USP37: variants seen among roughly 807,000 people sequenced by gnomAD.
USP37 encodes ubiquitin carboxyl-terminal hydrolase 37.
A neutral mutation model predicts 124.0 loss-of-function variants in USP37; 27 were observed. The ratio of observed to expected loss-of-function variants is 0.22; its 90% CI spans 0.16 to 0.30. The LOEUF is 0.30. Ranked by LOEUF, USP37 falls within the 10% of genes least tolerant of loss-of-function variation. USP37 has a pLI of 1.00. For synonymous variants in USP37, 365 were observed against 388.0 expected, an observed-to-expected ratio of 0.94 and a Z score of 0.70; for missense variants, 889 against 1,140.4, an observed-to-expected ratio of 0.78 and a Z score of 3.17.
At chr2:218,563,680 CATTT>C (rs1041579085) in intron 1 of USP37, among the ~76,000 whole-genome samples, 1 of 152,144 alleles carries the variant, frequency 6.6e-6, no homozygotes, top group Non-Finnish European at 1.5e-5. Context: ...TAGTAAACAA[CATTT>C]ATTAAGCTAC....
At chr2:218,514,848 A>T (rs1690187185) in intron 10 of USP37, among the ~76,000 whole-genome samples, 1 of 152,206 alleles carries the variant, frequency 6.6e-6, no homozygotes, top group South Asian at 2.1e-4. Flanking sequence ...GTCTCTACAC[A>T]TTCATTCATT....
chr2:218,561,428 T>C (rs1368673292), intron 2 of USP37, among the ~76,000 whole-genome samples: 2 of 152,034 alleles, frequency 1.3e-5, no homozygotes, highest in Non-Finnish European at 2.9e-5. Flanking sequence ...GAGGCCGAGG[T>C]GGGCAGATCA....
chr2:218,491,686 C>T (rs1280933289), intron 14 of USP37, among the ~76,000 whole-genome samples: 1 of 152,134 alleles, frequency 6.6e-6, no homozygotes, highest in African/African-American at 2.4e-5. Flanking sequence ...GCAAAAATAC[C>T]TCCTCTCATG....
chr2:218,516,383 C>T (rs899739708), intron 10 of USP37, among the ~76,000 whole-genome samples: 1 of 152,160 alleles, frequency 6.6e-6, no homozygotes, highest in African/African-American at 2.4e-5. Context: ...AGTTCATGTC[C>T]TTTGCAGGGA....
In USP37 at chr2:218,544,459, A is replaced by AGAGAGAGAGAGAGG. The variant is rs1457872657; in HGVS notation, c.680+1761_680+1762insCCTCTCTCTCTCTC. 1.5e-4 allele frequency among the ~76,000 whole-genome samples: 22 copies of AGAGAGAGAGAGAGG among 143,294 alleles called. 1 individual carries two copies. Among genetic ancestry groups the AGAGAGAGAGAGAGG allele is most frequent in the African/African-American group, 5.5e-4 (21 of 38,158 alleles). The allele number at this position is 143,294 out of a possible 152,430, so 94.0% of individuals were successfully genotyped here. On this transcript the variant is annotated intron_variant, in intron 8 of 25. Coordinates refer to ENST00000258399, the MANE Select transcript of USP37 (RefSeq NM_020935.3). ...GAGAGAGAGAGAGAGAGAGAGAGAG[A>AGAGAGAGAGAGAGG]GACCCCAATTCTTTCTCAAGCCTGC...
chr2:218,499,928 G>A (rs1689281241), intron 11 of USP37, among the ~76,000 whole-genome samples: 1 of 151,984 alleles, frequency 6.6e-6, no homozygotes. Context: ...GTGCCACTAT[G>A]CCTGGGTAAT....
Position 218,474,894 on chromosome 2 carries a change from G to C in USP37, c.2044-9C>G. 1 of 1,603,610 alleles carries C rather than the reference G, an allele frequency of 6.2e-7. No homozygotes were observed. The highest frequency in any genetic ancestry group is 8.5e-7 in the Non-Finnish European group (1 of 1,175,448). On this transcript the variant is annotated splice_polypyrimidine_tract_variant and intron_variant, in intron 19 of 25. Coordinates refer to ENST00000258399, the MANE Select transcript of USP37 (RefSeq NM_020935.3). Reference sequence around the variant, plus strand: ...GGGCATAATTTTGAATCCTGAAGAAGAGAGTTACTTTTAGAAGAAACCAGA... The same window carrying C: ...GGGCATAATTTTGAATCCTGAAGAACAGAGTTACTTTTAGAAGAAACCAGA...
At chr2:218,485,875 C>A in intron 15 of USP37, 132 bp from the exon 16 acceptor site, 1 of 954,836 alleles carries the variant, frequency 1.0e-6, no homozygotes, top group Non-Finnish European at 1.6e-6. Flanking sequence ...AATTCTGTGT[C>A]TAGAGCCATG....
intron 4 of USP37, among the ~76,000 whole-genome samples, chr2:218,557,736 G>T (rs893797345): frequency 3.5e-5 from 5 of 142,868 alleles, no homozygotes; most frequent in Admixed American, 1.4e-4. Flanking sequence ...AGACCAGCCT[G>T]ACCAACATGG....
At chr2:218,525,252 AG>A (rs1690891318) in intron 10 of USP37, among the ~76,000 whole-genome samples, 1 of 152,170 alleles carries the variant, frequency 6.6e-6, no homozygotes, top group Non-Finnish European at 1.5e-5. Context: ...AGGCTGAGGC[AG>A]GCGAATCACT....
At chr2:218,527,831 T>C (rs1033577240) in intron 10 of USP37, among the ~76,000 whole-genome samples, 6 of 152,196 alleles carry the variant, frequency 3.9e-5, no homozygotes, top group Admixed American at 1.3e-4. Context: ...CCTAAATATA[T>C]AATATCAAAT....
intron 14 of USP37, among the ~76,000 whole-genome samples, chr2:218,488,676 C>T (rs1218814760): frequency 6.6e-6 from 1 of 152,158 alleles, no homozygotes; most frequent in Non-Finnish European, 1.5e-5. Flanking sequence ...GCTCTTGTCA[C>T]CCAGGCTGGA....
intron 13 of USP37, among the ~76,000 whole-genome samples, chr2:218,497,440 C>T (rs1180015750): frequency 6.6e-6 from 1 of 151,284 alleles, no homozygotes; most frequent in Non-Finnish European, 1.5e-5. Context: ...GTCACCCAGG[C>T]TATAGTGCAG....
chr2:218,521,450 G>T (rs539737374), intron 10 of USP37, among the ~76,000 whole-genome samples: 1 of 151,974 alleles, frequency 6.6e-6, no homozygotes, highest in African/African-American at 2.4e-5. Context: ...TTTAAGCCCC[G>T]CATGCATTAC....
chr2:218,492,333 G>A (rs34727952), intron 14 of USP37, among the ~76,000 whole-genome samples: 6,106 of 152,252 alleles, frequency 0.04, 159 homozygotes, highest in East Asian at 0.12. Context: ...AAGCAAGGAA[G>A]CTCATTTCGT....
At chr2:218,544,257 G>A (rs1408269094) in intron 8 of USP37, among the ~76,000 whole-genome samples, 1 of 151,122 alleles carries the variant, frequency 6.6e-6, no homozygotes, top group Non-Finnish European at 1.5e-5. Context: ...GCACACGCTT[G>A]TAGTCCAAGC....
intron 19 of USP37, among the ~76,000 whole-genome samples, chr2:218,476,099 TTAAAA>T (rs143909489): frequency 3.0e-3 from 458 of 152,176 alleles, no homozygotes; most frequent in African/African-American, 9.7e-3. Context: ...AAAGGGAGGC[TTAAAA>T]TAAAATACAG....
At chr2:218,509,700 T>A (rs1402379861) in intron 11 of USP37, among the ~76,000 whole-genome samples, 1 of 152,154 alleles carries the variant, frequency 6.6e-6, no homozygotes, top group Non-Finnish European at 1.5e-5. Context: ...ATAAAAAATG[T>A]TGAAAGTATC....
At chr2:218,464,975 G>GAGGC (rs1181473811) in intron 21 of USP37, among the ~76,000 whole-genome samples, 6 of 152,048 alleles carry the variant, frequency 3.9e-5, no homozygotes, top group African/African-American at 1.4e-4. Flanking sequence ...ATGTACTTGA[G>GAGGC]AGGCCTAGGC....
Sources: gnomAD v4.1 joint callset for allele counts (sites outside exome capture counted in the v4.1 genomes callset) on GRCh38, gnomAD v4.1.1 for gene constraint, MANE v1.5 for transcripts, NCBI Gene and HGNC (gene_info 2026-07-23, HGNC 2026-07-21) for gene names.